WNT3: variants seen among roughly 807,000 people sequenced by gnomAD.
WNT3 encodes the protein proto-oncogene Wnt-3.
A neutral mutation model predicts 34.2 loss-of-function variants in WNT3; 7 were observed. The observed-to-expected ratio is 0.20, with a 90% confidence interval of 0.12 to 0.38. The LOEUF (loss-of-function observed/expected upper bound fraction) is 0.38. WNT3 is among the 10% of genes least tolerant of loss of function. The pLI is 1.00. For synonymous variants in WNT3, 212 were observed against 211.5 expected (o/e 1.00, Z -0.02); for missense variants, 267 against 499.8 (o/e 0.53, Z 4.44).
intron 1 of WNT3, among the ~76,000 whole-genome samples, chr17:46,787,657 A>G (rs1207133014): frequency 2.6e-5 from 4 of 152,180 alleles, no homozygotes; most frequent in African/African-American, 9.6e-5. Context: ...CCCAAGATGT[A>G]TGAGATGTAG....
intron 1 of WNT3, among the ~76,000 whole-genome samples, chr17:46,780,189 A>T (rs2059448690): frequency 6.6e-6 from 1 of 152,212 alleles, no homozygotes; most frequent in African/African-American, 2.4e-5. Context: ...CTGATCTGAC[A>T]CTGGGGTTGT....
In WNT3 at chr17:46,807,327, A is replaced by G. The variant is rs142695966; in HGVS notation, c.80+11191T>C. Reference sequence around the variant, plus strand: ...GTGAAATCCTATCTCTACTGAAAATACAAAATTAGCTGGGTGTGGTGGCGC... The same window carrying G: ...GTGAAATCCTATCTCTACTGAAAATGCAAAATTAGCTGGGTGTGGTGGCGC... On this transcript the variant is annotated intron_variant, in intron 1 of 4. Coordinates refer to ENST00000225512, the MANE Select transcript of WNT3 (RefSeq NM_030753.5). 3.4e-3 allele frequency among the ~76,000 whole-genome samples: 517 copies of G among 152,336 alleles called. 1 individual carries two copies. The highest frequency in any genetic ancestry group is 0.012 in the African/African-American group (500 of 41,580).
At position 46,796,976 on chromosome 17, in the gene WNT3, G is replaced by T. The variant is rs113872192; in HGVS notation, c.80+21542C>A. On this transcript the variant is annotated intron_variant, in intron 1 of 4. Transcript: ENST00000225512. ...CACAAAACCAAACTGACTGAAATAG[G>T]CAGGAGAATCTTCTCGATCCCATTT... 7.4e-3 allele frequency among the ~76,000 whole-genome samples: 1,124 copies of T among 152,266 alleles called. 6 individuals carry two copies. The highest frequency in any genetic ancestry group is 0.012 in the Non-Finnish European group (804 of 68,020).
chr17:46,816,449 C>T (rs2084348139), intron 1 of WNT3, among the ~76,000 whole-genome samples: 1 of 144,042 alleles, frequency 6.9e-6, no homozygotes, highest in Non-Finnish European at 1.5e-5. Flanking sequence ...GAAAACACCT[C>T]TTAGGGTCAT....
At chr17:46,779,205 C>G (rs979310599) in intron 1 of WNT3, among the ~76,000 whole-genome samples, 1 of 152,168 alleles carries the variant, frequency 6.6e-6, no homozygotes, top group Non-Finnish European at 1.5e-5. Flanking sequence ...GCCTGATGCC[C>G]CTCACTCGCC....
At chr17:46,799,777 C>G (rs2084101081) in intron 1 of WNT3, among the ~76,000 whole-genome samples, 1 of 152,134 alleles carries the variant, frequency 6.6e-6, no homozygotes, top group African/African-American at 2.4e-5. Flanking sequence ...ATTTCAACCT[C>G]ACAACTACCT....
At chr17:46,777,326 C>T (rs754840779) in intron 1 of WNT3, among the ~76,000 whole-genome samples, 28 of 152,242 alleles carry the variant, frequency 1.8e-4, no homozygotes, top group Non-Finnish European at 2.8e-4. Context: ...ACTGAGGAGT[C>T]GGGGGGCCCA....
chr17:46,807,883 C>T (rs144474220), intron 1 of WNT3, among the ~76,000 whole-genome samples: 2 of 152,246 alleles, frequency 1.3e-5, no homozygotes, highest in African/African-American at 4.8e-5. Flanking sequence ...CATGCTTTAT[C>T]AGAAAGGAGA....
At chr17:46,805,819 A>C (rs376384594) in intron 1 of WNT3, among the ~76,000 whole-genome samples, 5 of 152,302 alleles carry the variant, frequency 3.3e-5, no homozygotes, top group African/African-American at 9.6e-5. Flanking sequence ...GCCTGGATTA[A>C]GGAAAGACTG....
intron 1 of WNT3, among the ~76,000 whole-genome samples, chr17:46,788,781 C>A (rs1466604310): frequency 6.6e-6 from 1 of 151,840 alleles, no homozygotes; most frequent in African/African-American, 2.4e-5. Flanking sequence ...CCTTTCCCTG[C>A]CCTCAGCAGC....
chr17:46,811,614 C>A (rs2084276716), intron 1 of WNT3, among the ~76,000 whole-genome samples: 1 of 152,142 alleles, frequency 6.6e-6, no homozygotes, highest in African/African-American at 2.4e-5. Flanking sequence ...CAGGCAGCAG[C>A]AGGACAGGGT....
chr17:46,768,206 G>T lies in WNT3; in HGVS notation c.*8+106C>A. ...TTGGCTGTGGGAACTTGTGTGTCTT[G>T]GATAGCTTAGAAACAGAAGGGGGTC... On this transcript the variant is annotated intron_variant, in intron 4 of 4. Coordinates refer to ENST00000225512, the MANE Select transcript of WNT3 (RefSeq NM_030753.5). This position sits in a 1 kb window ranked among gnomAD's most constrained non-coding sequence, Gnocchi z 5.0. 1.3e-6 allele frequency: 2 copies of T among 1,517,544 alleles called. No individual in the cohort carries two copies. The highest frequency in any genetic ancestry group is 1.8e-6 in the Non-Finnish European group (2 of 1,119,912). 94.0% of individuals were successfully genotyped at this position (1,517,544 alleles called of 1,614,324 possible).
chr17:46,769,690 C>A (rs1049762979), intron 3 of WNT3, 93 bp downstream of exon 3: 2 of 1,544,548 alleles, frequency 1.3e-6, no homozygotes, highest in Admixed American at 1.8e-5. Flanking sequence ...ACCCACAGGG[C>A]TGCCGGAAGG....
intron 1 of WNT3, among the ~76,000 whole-genome samples, chr17:46,817,436 G>A (rs2084366742): frequency 6.6e-6 from 1 of 152,108 alleles, no homozygotes. Flanking sequence ...AAAGTTTTCC[G>A]GAATGTAGGG....
intron 1 of WNT3, among the ~76,000 whole-genome samples, chr17:46,779,322 G>A (rs1169551693): frequency 6.6e-6 from 1 of 152,218 alleles, no homozygotes; most frequent in Non-Finnish European, 1.5e-5. Flanking sequence ...AGGCTCCCAA[G>A]GGGGATAGAG....
At chr17:46,807,296 A>G (rs1429561107) in intron 1 of WNT3, among the ~76,000 whole-genome samples, 7 of 152,216 alleles carry the variant, frequency 4.6e-5, no homozygotes, top group Non-Finnish European at 7.4e-5. Flanking sequence ...CAGCCTGACC[A>G]ACATGGTGAA....
intron 2 of WNT3, among the ~76,000 whole-genome samples, chr17:46,771,068 C>T (rs1242146485): frequency 6.6e-6 from 1 of 152,222 alleles, no homozygotes; most frequent in Non-Finnish European, 1.5e-5. Context: ...CCCTCCTGGG[C>T]TGTGGGCCGA....
At position 46,782,006 on chromosome 17, in the gene WNT3, T is replaced by C. The variant is rs566303054; in HGVS notation, c.81-8097A>G. 9.8e-5 allele frequency among the ~76,000 whole-genome samples: 15 copies of C among 152,312 alleles called. No homozygotes were observed. The East Asian group carries it at 2.7e-3, about 27-fold the overall frequency. ...ACATTCTCAGAAGCTTCTCTGGGGC[T>C]GGGCACAAAAAGGACCCACCTGGCT... On this transcript the variant is annotated intron_variant, in intron 1 of 4. Coordinates refer to ENST00000225512, the MANE Select transcript of WNT3 (RefSeq NM_030753.5).
Position 46,784,999 on chromosome 17 carries a change from G to A in WNT3, c.81-11090C>T, listed in dbSNP as rs373528464. On this transcript the variant is annotated intron_variant, in intron 1 of 4. Coordinates refer to ENST00000225512, the MANE Select transcript of WNT3 (RefSeq NM_030753.5). Reference sequence around the variant, plus strand: ...TCACTGTGTTAGCCAGGATGGTCTCGATCTCCTGACCTCGTGATCTGCCCG... The same window carrying A: ...TCACTGTGTTAGCCAGGATGGTCTCAATCTCCTGACCTCGTGATCTGCCCG... Among the ~76,000 whole-genome samples the A allele has an allele frequency of 4.8e-4, 73 of 152,084 alleles. 1 individual carries two copies. In the East Asian group the frequency reaches 5.6e-3, roughly 12 times the overall value.
Sources: allele counts gnomAD v4.1 joint callset (sites outside exome capture counted in the v4.1 genomes callset), GRCh38; gene constraint gnomAD v4.1.1; non-coding constraint Gnocchi (gnomAD v3.1); transcripts MANE v1.5; gene names NCBI Gene and HGNC (gene_info 2026-07-23, HGNC 2026-07-21).